ATP6V1E1: variants seen among roughly 807,000 people sequenced by gnomAD.
ATP6V1E1 encodes the protein V-type proton ATPase subunit E 1.
Under a neutral mutation model 35.2 loss-of-function variants are expected in ATP6V1E1, and 21 were observed. The ratio of observed to expected loss-of-function variants is 0.60; its 90% CI spans 0.42 to 0.86. The LOEUF (loss-of-function observed/expected upper bound fraction) is 0.86, where lower values mean the gene tolerates loss of function less well. Among genes scored for constraint, ATP6V1E1 ranks in the 40% least tolerant of loss-of-function variants. The probability of loss-of-function intolerance (pLI) is 0.00; values close to 1 mark genes in which losing one functional copy is unlikely to be tolerated. For synonymous variants in ATP6V1E1, 83 were observed against 87.8 expected, an observed-to-expected ratio of 0.95 and a Z score of 0.30; for missense variants, 183 against 272.6, an observed-to-expected ratio of 0.67 and a Z score of 2.32.
Position 17,592,800 on chromosome 22 carries a change from C to CTTTTT in ATP6V1E1, c.619-69_619-65dup, listed in dbSNP as rs150344720. The CTTTTT allele has an allele frequency of 1.3e-4, 97 of 720,766 alleles. No homozygotes were observed. In the African/African-American group the frequency reaches 1.6e-3, roughly 12 times the overall value. The allele number at this position is 720,766 out of a possible 1,614,324, so 44.6% of individuals were successfully genotyped here. A position where few individuals can be genotyped will look rare whatever the true frequency, so the allele number is the denominator to read the frequency against. On this transcript the variant is annotated intron_variant, in intron 8 of 8. Coordinates refer to ENST00000253413, the MANE Select transcript of ATP6V1E1 (RefSeq NM_001696.4). ...GAAGAAGTTGTAGAGCGCTGCACAT[C>CTTTTT]TTTTTTTTTTTTTTTTTTTTGAGAC... is the stretch of plus-strand genomic sequence containing the variant.
intron 4 of ATP6V1E1, among the ~76,000 whole-genome samples, chr22:17,601,850 G>A (rs909437403): frequency 6.6e-6 from 1 of 152,158 alleles, no homozygotes; most frequent in Admixed American, 6.5e-5. Flanking sequence ...CAGGTGATCC[G>A]CCTGCCTTGG....
intron 4 of ATP6V1E1, among the ~76,000 whole-genome samples, chr22:17,608,380 G>A (rs571463121): frequency 1.1e-4 from 17 of 152,286 alleles, no homozygotes; most frequent in African/African-American, 3.8e-4. Context: ...TGTCTTTCAA[G>A]GTCATAAAAA....
intron 2 of ATP6V1E1, 41 bp downstream of exon 2, chr22:17,619,420 G>A (rs919140036): frequency 4.6e-6 from 7 of 1,537,164 alleles, no homozygotes; most frequent in Non-Finnish European, 6.2e-6. Flanking sequence ...AAACAATATG[G>A]AAACCTTGAT....
rs181760667 is a variant in ATP6V1E1, at chr22:17,603,213, G to C, written c.277-2032C>G. On this transcript the variant is annotated intron_variant, in intron 4 of 8. Transcript: ENST00000253413. ...GATCTGCCTGCCTCGGCCTCCCAAA[G>C]TGCTGGGATTACAGGTGTGAGCCAC... Among the ~76,000 whole-genome samples the C allele has an allele frequency of 4.0e-3, 612 of 152,266 alleles. 5 individuals carry two copies. Among genetic ancestry groups the C allele is most frequent in the African/African-American group, 0.014 (591 of 41,538 alleles).
intron 4 of ATP6V1E1, among the ~76,000 whole-genome samples, chr22:17,602,531 C>A (rs929019601): frequency 6.6e-6 from 1 of 152,104 alleles, no homozygotes; most frequent in Admixed American, 6.6e-5. Flanking sequence ...CACGCCACCA[C>A]ACCCAGTTAA....
At chr22:17,592,923 G>T (rs1207744893) in intron 8 of ATP6V1E1, among the ~76,000 whole-genome samples, 187 bp from the exon 9 acceptor site, 2 of 151,974 alleles carry the variant, frequency 1.3e-5, no homozygotes, top group African/African-American at 2.4e-5. Context: ...AAGTAGATGG[G>T]ACTACAGGTG....
At chr22:17,616,911 A>G (rs2057848764) in intron 2 of ATP6V1E1, among the ~76,000 whole-genome samples, 1 of 109,368 alleles carries the variant, frequency 9.1e-6, no homozygotes, top group Non-Finnish European at 1.9e-5. Flanking sequence ...AGCCGGGTGT[A>G]GTGGCGGGCG....
chr22:17,618,069 C>G (rs1355703014), intron 2 of ATP6V1E1, among the ~76,000 whole-genome samples: 1 of 152,182 alleles, frequency 6.6e-6, no homozygotes, highest in Non-Finnish European at 1.5e-5. Context: ...CTTGGCCTCC[C>G]AAAGTGCTGG....
chr22:17,600,989 A>G, intron 5 of ATP6V1E1, 103 bp downstream of exon 5: 1 of 970,660 alleles, frequency 1.0e-6, no homozygotes, highest in South Asian at 1.9e-5. Context: ...GAAAAAAACT[A>G]GAGAAATGAG....
At chr22:17,605,973 T>TA (rs35747718) in intron 4 of ATP6V1E1, among the ~76,000 whole-genome samples, 52,649 of 151,664 alleles carry the variant, frequency 0.35, 9,462 homozygotes, top group African/African-American at 0.41. Flanking sequence ...TCCTACTTTT[T>TA]ATAAGAAATG....
chr22:17,600,138 TAAAA>T, intron 5 of ATP6V1E1, 43 bp from the exon 6 acceptor site: 1 of 1,558,064 alleles, frequency 6.4e-7, no homozygotes, highest in Non-Finnish European at 8.9e-7. Flanking sequence ...ATGCAAACTA[TAAAA>T]TAAAGAAACA....
chr22:17,615,313 AT>A (rs1365120586), intron 2 of ATP6V1E1, among the ~76,000 whole-genome samples: 8 of 151,998 alleles, frequency 5.3e-5, no homozygotes, highest in East Asian at 1.9e-4. Context: ...AAAAATATTA[AT>A]TTTTTTATAC....
intron 2 of ATP6V1E1, among the ~76,000 whole-genome samples, chr22:17,616,009 G>T (rs774186953): frequency 6.6e-6 from 1 of 150,410 alleles, no homozygotes; most frequent in Non-Finnish European, 1.5e-5. Flanking sequence ...TCCAGCCCGG[G>T]CGACAGTGCA....
At chr22:17,593,382 A>G (rs1241610325) in intron 8 of ATP6V1E1, among the ~76,000 whole-genome samples, 1 of 152,140 alleles carries the variant, frequency 6.6e-6, no homozygotes, top group African/African-American at 2.4e-5. Flanking sequence ...TTCAACAAAC[A>G]TTTACTGAGT....
intron 4 of ATP6V1E1, among the ~76,000 whole-genome samples, chr22:17,602,438 G>A (rs760828596): frequency 4.6e-5 from 7 of 151,542 alleles, no homozygotes; most frequent in East Asian, 1.9e-4. Context: ...GCAGTGGCAC[G>A]ATCTCAGCTC....
chr22:17,592,584 GA>G lies in ATP6V1E1; in HGVS notation c.*89del. ...AGAGCAATACTGGGGCAGTGAAGAG[GA>G]AGCTACAGAGACATTCGTGTTTCTT... On this transcript the variant is annotated 3_prime_UTR_variant, in exon 9 of 9. Transcript: ENST00000253413. The G allele has an allele frequency of 9.7e-6, 13 of 1,335,522 alleles. No homozygotes were observed. Among genetic ancestry groups the G allele is most frequent in the Non-Finnish European group, 1.4e-5 (13 of 929,510 alleles). 82.7% of individuals were successfully genotyped at this position (1,335,522 alleles called of 1,614,324 possible).
At chr22:17,594,355 A>C (rs2057720418) in intron 8 of ATP6V1E1, among the ~76,000 whole-genome samples, 174 bp downstream of exon 8, 1 of 152,222 alleles carries the variant, frequency 6.6e-6, no homozygotes, top group African/African-American at 2.4e-5. Context: ...ACCCTCATGT[A>C]AATGTTACCA....
rs767624709 is a variant in ATP6V1E1, at chr22:17,601,145, C to T, written c.313G>A (p.Val105Met). ...LNEAKQRLSKVVKDTTRYQVL... is the reference protein window; with the variant it reads ...LNEAKQRLSKMVKDTTRYQVL... ...TGGTACCTGGTTGTATCTTTTACCA[C>T]CTTGCTGAGTCTCTGTTTTGCTTCA... The change falls in exon 5 of 9, where the codon GTG becomes ATG. Residue 105 changes from valine to methionine, a missense_variant. Transcript: ENST00000253413. The T allele has an allele frequency of 6.2e-6, 10 of 1,613,768 alleles. No homozygotes were observed. In the South Asian group the frequency reaches 1.1e-4, roughly 18 times the overall value.
At chr22:17,592,880 C>T (rs992082360) in intron 8 of ATP6V1E1, 144 bp from the exon 9 acceptor site, 9 of 696,508 alleles carry the variant, frequency 1.3e-5, no homozygotes, top group Admixed American at 7.6e-5. Flanking sequence ...CCGCTCATTG[C>T]AAGCTCACGC....
Sources: allele counts gnomAD v4.1 joint callset (sites outside exome capture counted in the v4.1 genomes callset), GRCh38; gene constraint gnomAD v4.1.1; transcripts MANE v1.5; gene names NCBI Gene and HGNC (gene_info 2026-07-23, HGNC 2026-07-21).